Variants in CRLF3 observed in about 807,000 individuals in gnomAD.
CRLF3 encodes the protein cytokine receptor-like factor 3.
Under a neutral mutation model 55.0 loss-of-function variants are expected in CRLF3, and 33 were observed. The ratio of observed to expected loss-of-function variants is 0.60; its 90% CI spans 0.46 to 0.80. The LOEUF is 0.80. CRLF3 is among the 30% of genes least tolerant of loss of function. CRLF3 has a pLI of 0.00. For synonymous variants in CRLF3, 238 were observed against 196.8 expected, an observed-to-expected ratio of 1.21 and a Z score of -1.75; for missense variants, 494 against 538.4, an observed-to-expected ratio of 0.92 and a Z score of 0.82.
chr17:30,802,390 G>A (rs1476570243), intron 2 of CRLF3, among the ~76,000 whole-genome samples: 3 of 151,654 alleles, frequency 2.0e-5, no homozygotes, highest in Admixed American at 1.3e-4. Context: ...AAAGTGCTGG[G>A]ATTACAGGCG....
In CRLF3 at chr17:30,824,382, A is replaced by C; in HGVS notation, c.129+141T>G. 5 of 642,960 alleles carry C rather than the reference A, an allele frequency of 7.8e-6. No individual in the cohort carries two copies. The South Asian group carries it at 1.2e-4, about 16-fold the overall frequency. 39.8% of individuals were successfully genotyped at this position (642,960 alleles called of 1,614,324 possible). On this transcript the variant is annotated intron_variant, in intron 1 of 7. Coordinates refer to ENST00000324238, the MANE Select transcript of CRLF3 (RefSeq NM_015986.4). ...CCCACCTTCCCCGTTCCCAGACTCC[A>C]TTAGGTCTCCTTTCAAATGAATGCC... is the stretch of plus-strand genomic sequence containing the variant.
At position 30,784,455 on chromosome 17, in the gene CRLF3, A is replaced by C; in HGVS notation, c.1073-12T>G. 1.2e-6 allele frequency: 2 copies of C among 1,603,604 alleles called. No homozygotes were observed. Among genetic ancestry groups the C allele is most frequent in the Non-Finnish European group, 1.7e-6 (2 of 1,171,178 alleles). On this transcript the variant is annotated splice_polypyrimidine_tract_variant and intron_variant, in intron 7 of 7. Transcript: ENST00000324238. The stretch of plus-strand genomic sequence containing the variant: ...GACAAAAACTGCACCTAAAATGTTA[A>C]GGTAAAGAGTCATTTACATGTGAGC...
chr17:30,822,560 A>T lies in CRLF3; in HGVS notation c.129+1963T>A, dbSNP rs191012213. 4.2e-3 allele frequency among the ~76,000 whole-genome samples: 644 copies of T among 152,374 alleles called. 2 individuals are homozygous for T. Among genetic ancestry groups the T allele is most frequent in the African/African-American group, 0.012 (481 of 41,588 alleles). On this transcript the variant is annotated intron_variant, in intron 1 of 7. Coordinates refer to ENST00000324238, the MANE Select transcript of CRLF3 (RefSeq NM_015986.4). ...AAGCCCAAGACAATGGGCCTCAAAA[A>T]CAAAACAAAACAAAGCTCATAATAA...
At chr17:30,789,375 T>C (rs750088792) in intron 6 of CRLF3, among the ~76,000 whole-genome samples, 4 of 152,208 alleles carry the variant, frequency 2.6e-5, no homozygotes, top group Non-Finnish European at 4.4e-5. Context: ...CTATGCAATC[T>C]ATCAGACATT....
rs1439679633 is a variant in CRLF3 at position 30,784,162 on chromosome 17, A to T, written c.*25T>A. Reference sequence around the variant, plus strand: ...TGAGGACAGCTACGTTAGACCCTGAAAACCAAAGCCAAGCACCCAAACATC... The same window carrying T: ...TGAGGACAGCTACGTTAGACCCTGATAACCAAAGCCAAGCACCCAAACATC... On this transcript the variant is annotated 3_prime_UTR_variant, in exon 8 of 8. Coordinates refer to ENST00000324238, the MANE Select transcript of CRLF3 (RefSeq NM_015986.4). 6.2e-7 allele frequency: 1 copy of T among 1,603,504 alleles called. No homozygotes were observed. Among genetic ancestry groups the T allele is most frequent in the Non-Finnish European group, 8.5e-7 (1 of 1,174,934 alleles).
Position 30,784,025 on chromosome 17 carries a change from G to A in CRLF3, c.*162C>T. 1.6e-6 allele frequency: 1 copy of A among 610,548 alleles called. No individual in the cohort carries two copies. The highest frequency in any genetic ancestry group is 2.8e-6 in the Non-Finnish European group (1 of 352,500). 37.8% of individuals were successfully genotyped at this position (610,548 alleles called of 1,614,324 possible). A position where few individuals can be genotyped will look rare whatever the true frequency, so the allele number is the denominator to read the frequency against. ...ATTGTATGATTTTGTCCACAACATT[G>A]AAGTCTCTTTTTGCTAAAATATTAC... On this transcript the variant is annotated 3_prime_UTR_variant, in exon 8 of 8. Coordinates refer to ENST00000324238, the MANE Select transcript of CRLF3 (RefSeq NM_015986.4).
rs531913235 is a variant in CRLF3 at position 30,816,174 on chromosome 17, C to T, written c.129+8349G>A. ...GCATGCACCTGTAGTCCCAGCTACTCGGGAGGCTGAGGTGGGAGAATCACT... is the reference window on the plus strand; with the variant it reads ...GCATGCACCTGTAGTCCCAGCTACTTGGGAGGCTGAGGTGGGAGAATCACT... On this transcript the variant is annotated intron_variant, in intron 1 of 7. Transcript: ENST00000324238. Among the ~76,000 whole-genome samples, 5 of 149,962 alleles carry T rather than the reference C, an allele frequency of 3.3e-5. No homozygotes were observed. In the East Asian group the frequency reaches 8.1e-4, roughly 24 times the overall value.
intron 2 of CRLF3, among the ~76,000 whole-genome samples, chr17:30,799,696 G>T (rs911984691): frequency 6.6e-6 from 1 of 152,010 alleles, no homozygotes; most frequent in African/African-American, 2.4e-5. Context: ...GTAGAGACGG[G>T]GTTTCACCAT....
chr17:30,785,462 A>C (rs2142238918), intron 7 of CRLF3, among the ~76,000 whole-genome samples: 1 of 152,150 alleles, frequency 6.6e-6, no homozygotes, highest in East Asian at 1.9e-4. Context: ...GGTACATGGT[A>C]GTCACATAAA....
intron 6 of CRLF3, chr17:30,790,854 G>C (rs1971782748): frequency 6.6e-6 from 1 of 152,164 alleles, no homozygotes; most frequent in Non-Finnish European, 1.5e-5. Context: ...CTGACCTCGT[G>C]ATCTGCCCAC....
chr17:30,819,229 A>T (rs965557161), intron 1 of CRLF3, among the ~76,000 whole-genome samples: 2 of 152,246 alleles, frequency 1.3e-5, no homozygotes, highest in Non-Finnish European at 2.9e-5. Context: ...CAAAAGGTAC[A>T]TGAAAGCCAA....
At chr17:30,786,254 TG>T (rs369192133) in intron 6 of CRLF3, 20 of 393,690 alleles carry the variant, frequency 5.1e-5, no homozygotes, top group South Asian at 1.3e-4. Flanking sequence ...TTTTCTTTTT[TG>T]TTGAGACGGA....
chr17:30,789,725 A>ATACT (rs1269481590), intron 6 of CRLF3, among the ~76,000 whole-genome samples: 1 of 152,192 alleles, frequency 6.6e-6, no homozygotes, highest in African/African-American at 2.4e-5. Context: ...TACAAGTAAA[A>ATACT]TACTTAAGAC....
intron 1 of CRLF3, among the ~76,000 whole-genome samples, chr17:30,808,524 G>A (rs915974281): frequency 6.6e-6 from 1 of 151,846 alleles, no homozygotes; most frequent in Non-Finnish European, 1.5e-5. Context: ...CTGACCTCAG[G>A]TGATCCTTCT....
intron 1 of CRLF3, among the ~76,000 whole-genome samples, chr17:30,814,328 T>C (rs1904716683): frequency 6.6e-6 from 1 of 151,962 alleles, no homozygotes; most frequent in Admixed American, 6.6e-5. Flanking sequence ...GATGACAAAT[T>C]AGTCATATTC....
chr17:30,823,176 A>G (rs1462241823), intron 1 of CRLF3, among the ~76,000 whole-genome samples: 1 of 151,982 alleles, frequency 6.6e-6, no homozygotes, highest in East Asian at 1.9e-4. Flanking sequence ...ATCCTGGCCA[A>G]CCTGGTGAAA....
At chr17:30,812,195 T>C (rs1904651253) in intron 1 of CRLF3, among the ~76,000 whole-genome samples, 2 of 152,218 alleles carry the variant, frequency 1.3e-5, no homozygotes, top group African/African-American at 4.8e-5. Flanking sequence ...ACATATTTTT[T>C]CTCAGTTTCT....
At position 30,784,365 on chromosome 17, in the gene CRLF3, A is replaced by G. The variant is rs1971585146; in HGVS notation, c.1151T>C (p.Ile384Thr). 6.2e-7 allele frequency: 1 copy of G among 1,613,898 alleles called. No homozygotes were observed. Among genetic ancestry groups the G allele is most frequent in the Non-Finnish European group, 8.5e-7 (1 of 1,179,866 alleles). ...GGTGGTTCCTAGAGTCACGGCTTCAATGTCAAACGTGACAGTGGACCCAGA... is the reference window on the plus strand; with the variant it reads ...GGTGGTTCCTAGAGTCACGGCTTCAGTGTCAAACGTGACAGTGGACCCAGA... ...VTSGSTVTFD[I>T]EAVTLGTTSN... Residue 384 changes from isoleucine (I) to threonine (T), a missense_variant, in exon 8 of 8, where the codon ATT becomes ACT. By Grantham distance (89) the Ile-to-Thr change is moderately conservative. Transcript: ENST00000324238.
At chr17:30,784,472 C>T (rs778681113) in intron 7 of CRLF3, 29 bp from the exon 8 acceptor site, 5 of 1,579,026 alleles carry the variant, frequency 3.2e-6, no homozygotes, top group Non-Finnish European at 8.7e-7. Context: ...GAGTCATTTA[C>T]ATGTGAGCAA....
Sources: allele counts gnomAD v4.1 joint callset (sites outside exome capture counted in the v4.1 genomes callset), GRCh38; gene constraint gnomAD v4.1.1; transcripts MANE v1.5; gene names NCBI Gene and HGNC (gene_info 2026-07-23, HGNC 2026-07-21).